Variants in IQCK observed in about 807,000 individuals in gnomAD.
The protein encoded by IQCK is IQ domain-containing protein K.
Under a neutral mutation model 28.1 loss-of-function variants are expected in IQCK, and 29 were observed. The observed-to-expected ratio is 1.03, with a 90% confidence interval of 0.77 to 1.41. The LOEUF is 1.41. Among genes scored for constraint, IQCK ranks in the 40% most tolerant of loss-of-function variants. The probability of loss-of-function intolerance (pLI) is 0.00; values close to 1 mark genes in which losing one functional copy is unlikely to be tolerated. For synonymous variants in IQCK, 113 were observed against 115.1 expected (o/e 0.98, Z 0.12); for missense variants, 359 against 314.7 (o/e 1.14, Z -1.07).
At position 19,761,173 on chromosome 16, in the gene IQCK, A is replaced by G. The variant is rs560098017; in HGVS notation, c.475-2675A>G. The G allele has an allele frequency of 1.8e-5, 6 of 330,314 alleles. No individual in the cohort carries two copies. In the East Asian group the frequency reaches 4.6e-4, roughly 25 times the overall value. 20.5% of individuals were successfully genotyped at this position (330,314 alleles called of 1,614,324 possible). A position where few individuals can be genotyped will look rare whatever the true frequency, so the allele number is the denominator to read the frequency against. On this transcript the variant is annotated intron_variant, in intron 4 of 7. Transcript: ENST00000564186. ...ATGCAGCCCAATAGGTCTCAGCCTC[A>G]TTTTACCCAGCCCCTATTCAAGATG...
intron 9 of IQCK, among the ~76,000 whole-genome samples, chr16:19,854,943 A>G (rs989385606): frequency 5.3e-5 from 8 of 152,216 alleles, no homozygotes; most frequent in Non-Finnish European, 1.0e-4. Context: ...CCTTGAAAAA[A>G]TGTTTTAAAA....
At chr16:19,856,920 A>G (rs1426444154) in exon 10 of IQCK, 1 of 184,550 alleles carries the variant, frequency 5.4e-6, no homozygotes, top group African/African-American at 2.4e-5. Context: ...GCAAAGATCC[A>G]TATTCTAATT....
intron 4 of IQCK, among the ~76,000 whole-genome samples, chr16:19,760,058 G>A (rs1467568422): frequency 6.6e-6 from 1 of 152,202 alleles, no homozygotes; most frequent in African/African-American, 2.4e-5. Flanking sequence ...GAGCCCAGGA[G>A]TTTGAGGCTG....
At chr16:19,730,715 G>GTCTA (rs60935548) in intron 2 of IQCK, among the ~76,000 whole-genome samples, 37,490 of 150,246 alleles carry the variant, frequency 0.25, 5,935 homozygotes, top group African/African-American at 0.46. Flanking sequence ...GCGTTTGTCT[G>GTCTA]TCTATCTATC....
chr16:19,759,779 A>G (rs573960184), intron 4 of IQCK, among the ~76,000 whole-genome samples: 3 of 152,204 alleles, frequency 2.0e-5, no homozygotes, highest in African/African-American at 7.2e-5. Context: ...AGAGATTGAG[A>G]CCAGCTTAGG....
Position 19,767,771 on chromosome 16 carries a change from C to T in IQCK, c.605+3659C>T, listed in dbSNP as rs550758607. On this transcript the variant is annotated intron_variant, in intron 6 of 7. Coordinates refer to ENST00000564186, the Ensembl canonical transcript of IQCK. ...GGGGTGAAGCCCTAGCCAGGGACCA[C>T]GCCCTCCTCTACGGAGCACTTCCCC... 7.2e-4 allele frequency among the ~76,000 whole-genome samples: 109 copies of T among 152,096 alleles called. 2 individuals carry two copies. The highest frequency in any genetic ancestry group is 2.4e-3 in the African/African-American group (100 of 41,490).
intron 9 of IQCK, among the ~76,000 whole-genome samples, chr16:19,839,139 G>A (rs2056334600): frequency 6.9e-6 from 1 of 144,972 alleles, no homozygotes; most frequent in South Asian, 2.4e-4. Flanking sequence ...TGGCAGAACT[G>A]AGAAAATTTA....
chr16:19,764,091 T>C (rs754000949), exon 6 of IQCK: 6 of 1,613,576 alleles, frequency 3.7e-6, no homozygotes, highest in Non-Finnish European at 4.2e-6. Flanking sequence ...ATTCCATTTG[T>C]GGAGGAGCGG....
At chr16:19,730,321 C>A in intron 1 of IQCK, 109 bp from the exon 2 acceptor site, 1 of 789,206 alleles carries the variant, frequency 1.3e-6, no homozygotes, top group Non-Finnish European at 2.0e-6. Context: ...CATTTCTGTA[C>A]ACCACCAGCC....
At chr16:19,826,424 G>C (rs1404708794) in intron 7 of IQCK, among the ~76,000 whole-genome samples, 1 of 152,146 alleles carries the variant, frequency 6.6e-6, no homozygotes, top group African/African-American at 2.4e-5. Flanking sequence ...TGTCGCCCAG[G>C]CTGGAGTGCA....
In IQCK at chr16:19,825,975, G is replaced by T. The variant is rs2056143976; in HGVS notation, c.691-1051G>T. ...AAGTGCAAAAACACACAGTGTTGAA[G>T]ACTTAGCATGTAAAACAGAAAGTAA... On this transcript the variant is annotated intron_variant, in intron 7 of 7. Transcript: ENST00000564186. The surrounding 1 kb of genome is among the most constrained non-coding windows in gnomAD (Gnocchi z 4.2). Among the ~76,000 whole-genome samples the T allele has an allele frequency of 6.6e-6, 1 of 152,218 alleles. No individual in the cohort carries two copies. Among genetic ancestry groups the T allele is most frequent in the Admixed American group, 6.5e-5 (1 of 15,276 alleles).
At chr16:19,746,353 T>G (rs1228507504) in intron 4 of IQCK, among the ~76,000 whole-genome samples, 2 of 152,190 alleles carry the variant, frequency 1.3e-5, no homozygotes, top group African/African-American at 4.8e-5. Flanking sequence ...ATAGACTTTT[T>G]TACTTATTTT....
intron 4 of IQCK, among the ~76,000 whole-genome samples, chr16:19,756,087 G>A (rs1597524189): frequency 6.6e-6 from 1 of 152,212 alleles, no homozygotes; most frequent in Non-Finnish European, 1.5e-5. Flanking sequence ...GGGGGGCTGA[G>A]GCAGGAGGAT....
chr16:19,736,420 G>A (rs1297644085), intron 4 of IQCK, among the ~76,000 whole-genome samples: 1 of 150,392 alleles, frequency 6.6e-6, no homozygotes, highest in African/African-American at 2.4e-5. Flanking sequence ...GCACCACCAC[G>A]CCTGACTGAT....
At position 19,778,927 on chromosome 16, in the gene IQCK, A is replaced by C. The variant is rs145071862; in HGVS notation, c.606-9911A>C. Among the ~76,000 whole-genome samples, 1,158 of 152,310 alleles carry C rather than the reference A, an allele frequency of 7.6e-3. 10 individuals carry two copies. The highest frequency in any genetic ancestry group is 0.026 in the African/African-American group (1,089 of 41,558). ...AGGATCATAAGATGGGAATTAGTAT[A>C]TGAGTTTCCTAGGGCTACTGCGAGA... On this transcript the variant is annotated intron_variant, in intron 6 of 7. Coordinates refer to ENST00000564186, the Ensembl canonical transcript of IQCK.
At chr16:19,826,242 G>C (rs1030646595) in intron 7 of IQCK, among the ~76,000 whole-genome samples, 7 of 152,130 alleles carry the variant, frequency 4.6e-5, no homozygotes, top group African/African-American at 1.7e-4. Context: ...ACCTGGGCTT[G>C]AGCAATCCTC....
chr16:19,761,109 A>G (rs377213665), intron 4 of IQCK: 28 of 276,014 alleles, frequency 1.0e-4, no homozygotes, highest in East Asian at 2.6e-4. Context: ...CCAACCTCCT[A>G]TCTCATCCTG....
chr16:19,813,763 T>TA (rs2055938408), intron 7 of IQCK, among the ~76,000 whole-genome samples: 1 of 152,114 alleles, frequency 6.6e-6, no homozygotes, highest in Non-Finnish European at 1.5e-5. Context: ...TAGGGGAAAC[T>TA]AAAATACTAG....
chr16:19,746,675 A>G (rs1213530522), intron 4 of IQCK, among the ~76,000 whole-genome samples: 1 of 152,242 alleles, frequency 6.6e-6, no homozygotes, highest in Non-Finnish European at 1.5e-5. Flanking sequence ...CTAAAAATCA[A>G]AGTGATCCTC....
Sources: gnomAD v4.1 joint callset for allele counts (sites outside exome capture counted in the v4.1 genomes callset) on GRCh38, gnomAD v4.1.1 for gene constraint, Gnocchi (gnomAD v3.1) non-coding constraint, MANE v1.5 for transcripts, NCBI Gene and HGNC (gene_info 2026-07-23, HGNC 2026-07-21) for gene names.